The following PHAF1 variants were observed in gnomAD, a reference collection of about 807,000 sequenced individuals.
PHAF1 encodes phagophore assembly factor 1.
A neutral mutation model predicts 63.1 loss-of-function variants in PHAF1; 23 were observed. The observed-to-expected ratio is 0.36, with a 90% confidence interval of 0.26 to 0.52. The LOEUF (loss-of-function observed/expected upper bound fraction) is 0.52. Ranked by LOEUF, PHAF1 falls within the 20% of genes least tolerant of loss-of-function variation. PHAF1 has a pLI of 0.93. For synonymous variants in PHAF1, 167 were observed against 185.0 expected (o/e 0.90, Z 0.79); for missense variants, 427 against 517.2 (o/e 0.83, Z 1.69).
intron 5 of PHAF1, 74 bp downstream of exon 5, chr16:67,132,599 C>A: frequency 6.8e-7 from 1 of 1,463,768 alleles, no homozygotes; most frequent in Non-Finnish European, 9.6e-7. Flanking sequence ...GTAGTGCCAT[C>A]CCACCCCACT....
At position 67,144,499 on chromosome 16, in the gene PHAF1, G is replaced by C. The variant is rs557395060; in HGVS notation, c.962+123G>C. ...ACACCTGAATTCTTGCTGTTTCATG[G>C]GAAGTGAATTTCCTGAGTGCTTGCT... On this transcript the variant is annotated intron_variant, in intron 11 of 15. Coordinates refer to ENST00000219139, the MANE Select transcript of PHAF1 (RefSeq NM_025187.5). 8.4e-5 allele frequency: 62 copies of C among 734,634 alleles called. No homozygotes were observed. The African/African-American group carries it at 8.6e-4, about 10-fold the overall frequency. The allele number at this position is 734,634 out of a possible 1,614,324, so 45.5% of individuals were successfully genotyped here.
chr16:67,132,948 G>A, intron 6 of PHAF1, 37 bp downstream of exon 6: 3 of 1,505,496 alleles, frequency 2.0e-6, no homozygotes, highest in Non-Finnish European at 2.8e-6. Context: ...TGTTGTATGT[G>A]TCTGTGGTAT....
intron 2 of PHAF1, among the ~76,000 whole-genome samples, chr16:67,124,074 C>CTAGGTTA (rs2145841689): frequency 1.3e-5 from 2 of 151,632 alleles, no homozygotes; most frequent in East Asian, 3.9e-4. Flanking sequence ...TTGAAAATTG[C>CTAGGTTA]TAGGTTATAT....
At position 67,110,218 on chromosome 16, in the gene PHAF1, G is replaced by C. The variant is rs1433335602; in HGVS notation, c.43G>C (p.Glu15Gln). 1.3e-6 allele frequency: 2 copies of C among 1,552,514 alleles called. No individual in the cohort carries two copies. The highest frequency in any genetic ancestry group is 2.4e-5 in the East Asian group (1 of 41,082). The change falls in exon 1 of 16, where the codon GAG becomes CAG. Residue 15 changes from glutamate (E) to glutamine (Q), a missense_variant. By Grantham distance (29) the Glu-to-Gln change is conservative. Coordinates refer to ENST00000219139, the MANE Select transcript of PHAF1 (RefSeq NM_025187.5). ...EVVPERSLGNEQWEFTLGMPL... is the reference protein window; with the variant it reads ...EVVPERSLGNQQWEFTLGMPL... ...AGTGCCCGAACGCTCTCTGGGGAAC[G>C]AGCAATGGGAATTCACGCTGGGTGA...
At chr16:67,119,121 A>G (rs1191353144) in intron 1 of PHAF1, among the ~76,000 whole-genome samples, 1 of 152,204 alleles carries the variant, frequency 6.6e-6, no homozygotes, top group African/African-American at 2.4e-5. Context: ...CATGTACTCT[A>G]ATAGGCCTTC....
chr16:67,117,199 A>ATT (rs750308105), intron 1 of PHAF1, among the ~76,000 whole-genome samples: 1,151 of 111,924 alleles, frequency 0.01, 22 homozygotes, highest in African/African-American at 0.033. Context: ...TGCCCAGCTA[A>ATT]TTTTTTTTTT....
intron 2 of PHAF1, among the ~76,000 whole-genome samples, chr16:67,125,294 G>A (rs1567642978): frequency 6.6e-6 from 1 of 152,182 alleles, no homozygotes; most frequent in Admixed American, 6.5e-5. Context: ...AGGGGCAAAT[G>A]CAGAAATATG....
intron 3 of PHAF1, among the ~76,000 whole-genome samples, chr16:67,130,192 G>A (rs979672264): frequency 1.3e-5 from 2 of 151,678 alleles, no homozygotes; most frequent in East Asian, 1.9e-4. Flanking sequence ...GACTACAGGC[G>A]CCCACCACCA....
chr16:67,112,458 G>A (rs1243030720), intron 1 of PHAF1, among the ~76,000 whole-genome samples: 1 of 151,578 alleles, frequency 6.6e-6, no homozygotes, highest in Admixed American at 6.6e-5. Flanking sequence ...ATCACTTGAG[G>A]CTGGGAGGTC....
At chr16:67,110,943 C>T (rs1962487378) in intron 1 of PHAF1, among the ~76,000 whole-genome samples, 2 of 152,136 alleles carry the variant, frequency 1.3e-5, no homozygotes, top group South Asian at 4.1e-4. Context: ...TCCCCAGTAG[C>T]TAGGATTACA....
intron 2 of PHAF1, among the ~76,000 whole-genome samples, chr16:67,125,662 A>G (rs1963159481): frequency 6.6e-6 from 1 of 152,172 alleles, no homozygotes; most frequent in African/African-American, 2.4e-5. Context: ...CTGAAAGGAG[A>G]ATGACCTGTA....
chr16:67,141,598 G>A (rs1963811635), intron 10 of PHAF1, among the ~76,000 whole-genome samples: 1 of 152,220 alleles, frequency 6.6e-6, no homozygotes, highest in African/African-American at 2.4e-5. Flanking sequence ...GTGTGTGAGC[G>A]AGTGAATGTG....
rs772823553 is a variant in PHAF1, at chr16:67,140,032, G to A, written c.710G>A (p.Arg237His). The change falls in exon 9 of 16, where the codon CGT becomes CAT. Residue 237 changes from arginine to histidine, a missense_variant. Coordinates refer to ENST00000219139, the MANE Select transcript of PHAF1 (RefSeq NM_025187.5). The stretch of plus-strand genomic sequence containing the variant: ...GATGCCAAGATGCGGGTATTTGAAC[G>A]TTCAGTGTATTTTGGTGATTCCTGC... ...LADAKMRVFE[R>H]SVYFGDSCQD... 1.5e-5 allele frequency: 24 copies of A among 1,613,938 alleles called. No homozygotes were observed. Among genetic ancestry groups the A allele is most frequent in the East Asian group, 2.2e-5 (1 of 44,902 alleles).
At chr16:67,146,076 G>T (rs1192352965) in intron 14 of PHAF1, among the ~76,000 whole-genome samples, 2 of 152,074 alleles carry the variant, frequency 1.3e-5, no homozygotes, top group African/African-American at 4.8e-5. Flanking sequence ...TTTTTGTCCT[G>T]TTGGGCTCTG....
intron 3 of PHAF1, among the ~76,000 whole-genome samples, chr16:67,126,635 C>A (rs1484348476): frequency 6.8e-6 from 1 of 148,102 alleles, no homozygotes; most frequent in East Asian, 2.0e-4. Flanking sequence ...AGCTCTGTCA[C>A]CCAGGCTGGA....
chr16:67,110,289 T>C, intron 1 of PHAF1, 50 bp downstream of exon 1: 1 of 1,539,690 alleles, frequency 6.5e-7, no homozygotes, highest in South Asian at 1.2e-5. Context: ...CCTTGCTTTC[T>C]CCTGGGCTCT....
chr16:67,140,992 AC>A (rs1365681609), intron 10 of PHAF1, among the ~76,000 whole-genome samples: 2 of 152,066 alleles, frequency 1.3e-5, no homozygotes, highest in East Asian at 3.9e-4. Flanking sequence ...TTAGAGGACC[AC>A]CCCAGAGGCA....
intron 15 of PHAF1, 51 bp from the exon 16 acceptor site, chr16:67,146,994 C>CAT: frequency 6.6e-7 from 1 of 1,508,652 alleles, no homozygotes; most frequent in Non-Finnish European, 9.2e-7. Flanking sequence ...CAGGATCTGC[C>CAT]TACATCCCTT....
intron 3 of PHAF1, among the ~76,000 whole-genome samples, chr16:67,128,098 C>T (rs1029280106): frequency 7.8e-4 from 5 of 6,374 alleles, no homozygotes; most frequent in South Asian, 9.1e-3. Context: ...AATCCTAACC[C>T]GCCTGTGAAG....
Sources: gnomAD v4.1 joint callset for allele counts (sites outside exome capture counted in the v4.1 genomes callset) on GRCh38, gnomAD v4.1.1 for gene constraint, MANE v1.5 for transcripts, NCBI Gene and HGNC (gene_info 2026-07-23, HGNC 2026-07-21) for gene names.